Variants in UPF2 observed in about 807,000 individuals in gnomAD.
UPF2 encodes the protein regulator of nonsense transcripts 2.
A neutral mutation model predicts 141.4 loss-of-function variants in UPF2; 17 were observed. The observed-to-expected ratio is 0.12, with a 90% confidence interval of 0.08 to 0.18. UPF2 has a LOEUF of 0.18. Among genes scored for constraint, UPF2 ranks in the 10% least tolerant of loss-of-function variants. The pLI is 1.00. For missense variants in UPF2, 1,152 were observed against 1,515.9 expected (o/e 0.76, Z 3.99); for synonymous variants, 540 against 498.0 (o/e 1.08, Z -1.12).
intron 15 of UPF2, among the ~76,000 whole-genome samples, chr10:11,949,514 G>C (rs1047031839): frequency 1.3e-5 from 2 of 152,132 alleles, no homozygotes; most frequent in Non-Finnish European, 2.9e-5. Flanking sequence ...ATAGCATGTT[G>C]TTATTTTTTC....
At chr10:11,957,536 G>A (rs1186332979) in intron 12 of UPF2, among the ~76,000 whole-genome samples, 1 of 151,694 alleles carries the variant, frequency 6.6e-6, no homozygotes, top group Non-Finnish European at 1.5e-5. Context: ...TTTTTCTTGA[G>A]ATGGAGTCTC....
In UPF2 at chr10:11,956,488, G is replaced by A; in HGVS notation, c.2406C>T (p.Asp802=). The change falls in exon 13 of 22, where the codon GAC becomes GAT. Residue 802 remains aspartate (D), a synonymous_variant. Transcript: ENST00000357604. The surrounding 1 kb of genome is among the most constrained non-coding windows in gnomAD (Gnocchi z 4.2). The stretch of plus-strand genomic sequence containing the variant: ...AAATAACATAGTCTTTCACTTCTTG[G>A]TCCTGCCAGGGCAGCTTTCGCATCT... The part of the protein sequence containing the change: ...LRQMRKLPWQ[D]QEVKDYVICC... 1 of 1,613,750 alleles carries A rather than the reference G, an allele frequency of 6.2e-7. No individual in the cohort carries two copies. The highest frequency in any genetic ancestry group is 1.1e-5 in the South Asian group (1 of 91,046).
intron 4 of UPF2, among the ~76,000 whole-genome samples, chr10:12,012,929 A>AG (rs1375928177): frequency 1.3e-5 from 2 of 152,026 alleles, no homozygotes; most frequent in Admixed American, 1.3e-4. Context: ...GCTTGAGCTA[A>AG]GGAGTTTGAG....
intron 8 of UPF2, among the ~76,000 whole-genome samples, chr10:11,981,258 A>G (rs577482510): frequency 6.6e-6 from 1 of 152,222 alleles, no homozygotes; most frequent in East Asian, 1.9e-4. Flanking sequence ...AAAACATGGT[A>G]CTCCTCAAAA....
At chr10:11,924,099 A>G (rs1025795656) in intron 21 of UPF2, among the ~76,000 whole-genome samples, 1 of 152,240 alleles carries the variant, frequency 6.6e-6, no homozygotes, top group African/African-American at 2.4e-5. Context: ...TTGTTCTGCA[A>G]TACAGAAAAC....
chr10:11,991,580 A>G (rs181779320), intron 8 of UPF2, among the ~76,000 whole-genome samples: 1 of 152,222 alleles, frequency 6.6e-6, no homozygotes, highest in Non-Finnish European at 1.5e-5. Context: ...TAATTAGAGA[A>G]AAAATTATTT....
chr10:12,037,930 A>G (rs138888935), intron 1 of UPF2, among the ~76,000 whole-genome samples: 2 of 152,198 alleles, frequency 1.3e-5, no homozygotes, highest in Non-Finnish European at 2.9e-5. Context: ...GTACCTTCTC[A>G]TAACTACCTT....
At chr10:11,991,580 A>C (rs181779320) in intron 8 of UPF2, among the ~76,000 whole-genome samples, 92 of 152,340 alleles carry the variant, frequency 6.0e-4, no homozygotes, top group African/African-American at 2.2e-3. Flanking sequence ...TAATTAGAGA[A>C]AAAATTATTT....
intron 9 of UPF2, among the ~76,000 whole-genome samples, chr10:11,968,923 C>A (rs1833366694): frequency 6.6e-6 from 1 of 152,170 alleles, no homozygotes. Flanking sequence ...TGCAGTGGCA[C>A]AATCTCGGCT....
intron 10 of UPF2, among the ~76,000 whole-genome samples, chr10:11,966,661 T>C (rs1423135195): frequency 6.6e-6 from 1 of 152,230 alleles, no homozygotes; most frequent in African/African-American, 2.4e-5. Context: ...CGATCTCAGG[T>C]GATCCACCTG....
At position 12,025,966 on chromosome 10, in the gene UPF2, A is replaced by G. The variant is rs145334690; in HGVS notation, c.1145+2779T>C. Among the ~76,000 whole-genome samples, 901 of 152,172 alleles carry G rather than the reference A, an allele frequency of 5.9e-3. 2 individuals are homozygous for G. Among genetic ancestry groups the G allele is most frequent in the Non-Finnish European group, 9.6e-3 (650 of 67,994 alleles). On this transcript the variant is annotated intron_variant, in intron 3 of 21. Coordinates refer to ENST00000357604, the MANE Select transcript of UPF2 (RefSeq NM_015542.4). Reference sequence around the variant, plus strand: ...ATGCCACCACACCCAGCTAATTTTTATATTTTTTGTAGCAATGGGGTTTCA... The same window carrying G: ...ATGCCACCACACCCAGCTAATTTTTGTATTTTTTGTAGCAATGGGGTTTCA...
At chr10:12,041,153 A>G (rs1411577939) in intron 1 of UPF2, among the ~76,000 whole-genome samples, 1 of 152,230 alleles carries the variant, frequency 6.6e-6, no homozygotes, top group East Asian at 1.9e-4. Flanking sequence ...ATTTAATAAA[A>G]TGCTAAAATT....
intron 3 of UPF2, among the ~76,000 whole-genome samples, chr10:12,028,083 TAC>T: frequency 6.6e-6 from 1 of 152,302 alleles, no homozygotes; most frequent in Admixed American, 6.5e-5. Context: ...GTACAAATAC[TAC>T]ACAGTAGTCT....
chr10:12,001,322 G>A (rs559424202), intron 6 of UPF2, among the ~76,000 whole-genome samples: 7 of 152,220 alleles, frequency 4.6e-5, no homozygotes, highest in South Asian at 2.1e-4. Context: ...GCTGAGGCAG[G>A]AGAATTGCTT....
chr10:12,037,844 T>C (rs917457064), intron 1 of UPF2, among the ~76,000 whole-genome samples: 5 of 152,198 alleles, frequency 3.3e-5, no homozygotes, highest in African/African-American at 1.2e-4. Flanking sequence ...CAGTACTCTA[T>C]TAAAATGTTA....
Position 11,927,283 on chromosome 10 carries a change from T to G in UPF2, c.3809+2582A>C, listed in dbSNP as rs543085608. Among the ~76,000 whole-genome samples the G allele has an allele frequency of 2.0e-5, 3 of 152,326 alleles. No homozygotes were observed. The East Asian group carries it at 5.8e-4, about 29-fold the overall frequency. On this transcript the variant is annotated intron_variant, in intron 21 of 21. Coordinates refer to ENST00000357604, the MANE Select transcript of UPF2 (RefSeq NM_015542.4). ...CATGAATTGTGAGGGGGTTAGGGAT[T>G]AATAAAAACGTGCTATTCAGAGACG...
intron 18 of UPF2, among the ~76,000 whole-genome samples, chr10:11,938,853 G>GTTTTGTTTTTT (rs1832889729): frequency 3.8e-5 from 3 of 79,832 alleles, no homozygotes; most frequent in East Asian, 7.1e-4. Context: ...TTTTTTTTTT[G>GTTTTGTTTTTT]TTTTTTTTTT....
chr10:11,954,553 G>T (rs1189761910), intron 14 of UPF2, among the ~76,000 whole-genome samples: 10 of 150,656 alleles, frequency 6.6e-5, no homozygotes, highest in African/African-American at 2.4e-4. Flanking sequence ...AGAATTGCTT[G>T]AACCTGAGAG....
In UPF2 at chr10:11,952,268, T is replaced by A; in HGVS notation, c.2851-19A>T. 1 of 1,565,798 alleles carries A rather than the reference T, an allele frequency of 6.4e-7. No homozygotes were observed. Among genetic ancestry groups the A allele is most frequent in the Non-Finnish European group, 8.6e-7 (1 of 1,162,060 alleles). ...CATAACGCTGATAACAAATGAAAAA[T>A]AAATTTAGCTATAAGAAATTAGTAA... On this transcript the variant is annotated intron_variant, in intron 14 of 21. Transcript: ENST00000357604.
Sources: gnomAD v4.1 joint callset for allele counts (sites outside exome capture counted in the v4.1 genomes callset) on GRCh38, gnomAD v4.1.1 for gene constraint, Gnocchi (gnomAD v3.1) non-coding constraint, MANE v1.5 for transcripts, NCBI Gene and HGNC (gene_info 2026-07-23, HGNC 2026-07-21) for gene names.